Variants in AP3B1 observed in about 807,000 individuals in gnomAD.
AP3B1 encodes AP-3 complex subunit beta-1.
In AP3B1, 61 loss-of-function variants were observed where a neutral mutation model predicts 132.5. The ratio of observed to expected loss-of-function variants is 0.46; its 90% CI spans 0.37 to 0.57. AP3B1 has a LOEUF of 0.57. AP3B1 is among the 20% of genes least tolerant of loss of function. The pLI is 0.00. For missense variants in AP3B1, 1,120 were observed against 1,289.4 expected (o/e 0.87, Z 2.01); for synonymous variants, 388 against 438.3 (o/e 0.89, Z 1.43).
chr5:78,105,660 CATTG>C (rs1191326425), intron 20 of AP3B1, among the ~76,000 whole-genome samples: 7 of 152,162 alleles, frequency 4.6e-5, no homozygotes, highest in Non-Finnish European at 1.0e-4. Context: ...AGAATTACTT[CATTG>C]AAAGGACTAT....
intron 17 of AP3B1, among the ~76,000 whole-genome samples, chr5:78,127,151 G>C (rs1179153641): frequency 3.9e-5 from 6 of 152,122 alleles, no homozygotes; most frequent in African/African-American, 1.4e-4. Context: ...AAGTAATAAA[G>C]GTTTTCTTCC....
At chr5:78,088,424 T>C (rs1400483163) in intron 22 of AP3B1, among the ~76,000 whole-genome samples, 1 of 152,226 alleles carries the variant, frequency 6.6e-6, no homozygotes. Flanking sequence ...TGACCAATGT[T>C]GAACAGAAAT....
At position 78,281,156 on chromosome 5, in the gene AP3B1, C is replaced by T. The variant is rs1043172134; in HGVS notation, c.128+13296G>A. 2.0e-5 allele frequency among the ~76,000 whole-genome samples: 3 copies of T among 152,218 alleles called. No individual in the cohort carries two copies. The South Asian group carries it at 6.2e-4, about 32-fold the overall frequency. The stretch of plus-strand genomic sequence containing the variant: ...CTATCACTTAAAAACAATTCTCGGC[C>T]GGGCGCAGTGGCTCGCGCCTGTAAT... On this transcript the variant is annotated intron_variant, in intron 1 of 26. Transcript: ENST00000255194.
At chr5:78,098,401 C>T (rs896049375) in intron 21 of AP3B1, among the ~76,000 whole-genome samples, 39 of 150,970 alleles carry the variant, frequency 2.6e-4, no homozygotes, top group Admixed American at 5.9e-4. Flanking sequence ...TCTTTTTTTA[C>T]CGTAGTTGCC....
At chr5:78,080,472 CTTTTTT>C (rs950808310) in intron 22 of AP3B1, among the ~76,000 whole-genome samples, 3 of 117,876 alleles carry the variant, frequency 2.5e-5, no homozygotes, top group Non-Finnish European at 5.6e-5. Flanking sequence ...TTTTCTTTTT[CTTTTTT>C]TTTTGCTCTT....
intron 6 of AP3B1, among the ~76,000 whole-genome samples, chr5:78,221,521 G>A (rs542348055): frequency 7.9e-5 from 12 of 151,778 alleles, no homozygotes; most frequent in Non-Finnish European, 1.8e-4. Flanking sequence ...GAAATCAAGA[G>A]AGCAAAAATA....
intron 15 of AP3B1, 43 bp from the exon 16 acceptor site, chr5:78,129,350 T>C (rs777367012): frequency 8.3e-6 from 12 of 1,446,246 alleles, no homozygotes; most frequent in Non-Finnish European, 1.2e-5. Flanking sequence ...CAGTTATTTA[T>C]GATTATCGAT....
intron 22 of AP3B1, among the ~76,000 whole-genome samples, chr5:78,051,184 G>A (rs1250986813): frequency 6.6e-6 from 1 of 152,096 alleles, no homozygotes; most frequent in East Asian, 1.9e-4. Flanking sequence ...TGTCTACTTA[G>A]CGCTTACTGA....
At chr5:78,135,039 G>A (rs1752854097) in intron 15 of AP3B1, among the ~76,000 whole-genome samples, 1 of 152,190 alleles carries the variant, frequency 6.6e-6, no homozygotes, top group Admixed American at 6.5e-5. Flanking sequence ...ACTTCAGAGT[G>A]TCCAAGTCTC....
intron 2 of AP3B1, among the ~76,000 whole-genome samples, chr5:78,241,827 A>G (rs1382392146): frequency 6.6e-6 from 1 of 152,210 alleles, no homozygotes; most frequent in Non-Finnish European, 1.5e-5. Context: ...TCATGACAAA[A>G]TGGCATTCAT....
intron 20 of AP3B1, among the ~76,000 whole-genome samples, chr5:78,105,881 C>T (rs1751311530): frequency 6.6e-6 from 1 of 152,144 alleles, no homozygotes; most frequent in Non-Finnish European, 1.5e-5. Flanking sequence ...TTTTGTGCCT[C>T]GTGAATATGC....
chr5:78,294,517 A>T lies in AP3B1; in HGVS notation c.63T>A (p.Gly21=), dbSNP rs776252237. 1 of 1,614,216 alleles carries T rather than the reference A, an allele frequency of 6.2e-7. No homozygotes were observed. The highest frequency in any genetic ancestry group is 8.5e-7 in the Non-Finnish European group (1 of 1,180,042). ...GGGAAATGGTTGAGGTCGCCTCCTG[A>T]CCCAGCTCCGTCGCCTCCCCTCCTC... ...QSGGGEATEL[G]QEATSTISPS... Residue 21 remains glycine, a synonymous_variant, in exon 1 of 27, where the codon GGT becomes GGA. Transcript: ENST00000255194.
intron 11 of AP3B1, among the ~76,000 whole-genome samples, chr5:78,166,116 GTCACACACACACAC>G (rs1316045067): frequency 6.1e-5 from 6 of 98,986 alleles, no homozygotes; most frequent in African/African-American, 2.7e-4. Flanking sequence ...CTGAAACTCT[GTCACACACACACAC>G]ACACACACAC....
Position 78,080,623 on chromosome 5 carries a change from ATTTTTT to A in AP3B1, c.2577+8764_2577+8769del, listed in dbSNP as rs66609184. Among the ~76,000 whole-genome samples the A allele has an allele frequency of 1.9e-3, 196 of 103,532 alleles. 1 individual carries two copies. Among genetic ancestry groups the A allele is most frequent in the African/African-American group, 7.0e-3 (185 of 26,508 alleles). 67.9% of individuals were successfully genotyped at this position (103,532 alleles called of 152,430 possible). On this transcript the variant is annotated intron_variant, in intron 22 of 26. Coordinates refer to ENST00000255194, the MANE Select transcript of AP3B1 (RefSeq NM_003664.5). ...GAAATACCCACTGGGTATGCCTCCA[ATTTTTT>A]TTTTTTTTTTTTTTTTTTTGCAAAC...
intron 1 of AP3B1, among the ~76,000 whole-genome samples, chr5:78,268,539 C>G (rs1748424008): frequency 6.6e-6 from 1 of 152,098 alleles, no homozygotes; most frequent in Admixed American, 6.5e-5. Flanking sequence ...TTCTCCTCTA[C>G]CAGTTTTATC....
intron 25 of AP3B1, among the ~76,000 whole-genome samples, chr5:78,019,332 C>G (rs1580245688): frequency 6.6e-6 from 1 of 152,030 alleles, no homozygotes; most frequent in Non-Finnish European, 1.5e-5. Context: ...AGTATTCTAA[C>G]CAAAAGCTGA....
intron 7 of AP3B1, among the ~76,000 whole-genome samples, chr5:78,211,522 A>C (rs568793717): frequency 4.2e-4 from 64 of 152,350 alleles, no homozygotes; most frequent in Admixed American, 7.2e-4. Context: ...AAGCATGTAC[A>C]TCAGCTCATC....
chr5:78,097,240 G>A (rs1346014201), intron 21 of AP3B1, among the ~76,000 whole-genome samples: 3 of 129,344 alleles, frequency 2.3e-5, no homozygotes, highest in African/African-American at 5.8e-5. Flanking sequence ...GGAGGTGGGG[G>A]GGTCAGCCCC....
Position 78,267,564 on chromosome 5 carries a change from T to A in AP3B1, c.160A>T (p.Asn54Tyr). 1 of 1,611,394 alleles carries A rather than the reference T, an allele frequency of 6.2e-7. No individual in the cohort carries two copies. Reference protein sequence around the residue: ...NEDLKQMLESNKDSAKLDAMK... With the variant: ...NEDLKQMLESYKDSAKLDAMK... ...GCATCCAGTTTAGCAGAATCTTTGT[T>A]GCTCTCTAACATTTGCTTTAGATCT... is the stretch of plus-strand genomic sequence containing the variant. The change falls in exon 2 of 27, where the codon AAC becomes TAC. Residue 54 changes from asparagine (N) to tyrosine (Y), a missense_variant. Transcript: ENST00000255194.
Sources: gnomAD v4.1 joint callset for allele counts (sites outside exome capture counted in the v4.1 genomes callset) on GRCh38, gnomAD v4.1.1 for gene constraint, MANE v1.5 for transcripts, NCBI Gene and HGNC (gene_info 2026-07-23, HGNC 2026-07-21) for gene names.